Variants in IRGM observed in about 807,000 individuals in gnomAD.
IRGM encodes the protein immunity related GTPase M.
For synonymous variants in IRGM, 98 were observed against 80.6 expected, an observed-to-expected ratio of 1.22 and a Z score of -1.16; for missense variants, 288 against 219.9, an observed-to-expected ratio of 1.31 and a Z score of -1.96.
chr5:150,893,037 G>C (rs1480608551), intron 3 of IRGM, among the ~76,000 whole-genome samples: 1 of 151,928 alleles, frequency 6.6e-6, no homozygotes, highest in Non-Finnish European at 1.5e-5. Flanking sequence ...TGTTGCTTAG[G>C]TATTTTCAGG....
intron 3 of IRGM, among the ~76,000 whole-genome samples, chr5:150,893,080 T>C (rs1482603513): frequency 2.0e-5 from 3 of 152,152 alleles, no homozygotes; most frequent in Non-Finnish European, 4.4e-5. Context: ...CTTACTGCTA[T>C]ACATTGTCCT....
intron 3 of IRGM, chr5:150,898,008 C>T: frequency 6.4e-7 from 1 of 1,574,542 alleles, no homozygotes; most frequent in Non-Finnish European, 8.6e-7. Context: ...AGGATAGAAA[C>T]ATAAACCTCA....
chr5:150,878,023 C>T (rs887494385), exon 2 of IRGM: 5 of 458,310 alleles, frequency 1.1e-5, no homozygotes, highest in Admixed American at 7.0e-5. Flanking sequence ...AGCCACGTAC[C>T]TCTTGCTTGC....
At chr5:150,898,510 C>T in intron 3 of IRGM, 3 of 1,613,064 alleles carry the variant, frequency 1.9e-6, no homozygotes, top group Non-Finnish European at 1.7e-6. Context: ...GCTGCCACTC[C>T]TCCTGGGTGA....
chr5:150,889,128 AT>A (rs34709451), intron 3 of IRGM, among the ~76,000 whole-genome samples: 32,372 of 151,420 alleles, frequency 0.21, 5,467 homozygotes, highest in African/African-American at 0.45. Flanking sequence ...AGTTGTTAGT[AT>A]TTTTTTTCAA....
At chr5:150,861,892 GATT>G (rs1356817497) in intron 1 of IRGM, among the ~76,000 whole-genome samples, 1 of 152,158 alleles carries the variant, frequency 6.6e-6, no homozygotes, top group African/African-American at 2.4e-5. Context: ...CTCAAATATG[GATT>G]ATTAACTATT....
chr5:150,873,654 G>T (rs1274303631), intron 1 of IRGM, among the ~76,000 whole-genome samples: 1 of 152,106 alleles, frequency 6.6e-6, no homozygotes, highest in African/African-American at 2.4e-5. Flanking sequence ...TGGGTCCAGT[G>T]GGTCCCTGGA....
At chr5:150,875,014 G>C (rs917751615) in intron 1 of IRGM, among the ~76,000 whole-genome samples, 2 of 152,192 alleles carry the variant, frequency 1.3e-5, no homozygotes, top group African/African-American at 2.4e-5. Context: ...TCATCAAATG[G>C]AAGTGGTGTA....
At chr5:150,858,781 C>G (rs1298882110) in intron 1 of IRGM, among the ~76,000 whole-genome samples, 12 of 152,076 alleles carry the variant, frequency 7.9e-5, no homozygotes, top group Admixed American at 1.3e-4. Context: ...GATTTTGTAT[C>G]CTGAGACTTT....
At chr5:150,869,785 C>T (rs1001714123) in intron 1 of IRGM, among the ~76,000 whole-genome samples, 3 of 152,078 alleles carry the variant, frequency 2.0e-5, no homozygotes, top group Admixed American at 6.6e-5. Context: ...TTTCACCTTT[C>T]CAATTTGCTT....
chr5:150,896,386 T>G lies in IRGM; in HGVS notation c.*141-4203T>G, dbSNP rs1754782029. The G allele has an allele frequency of 6.2e-6, 10 of 1,613,688 alleles. No homozygotes were observed. In the East Asian group the frequency reaches 2.2e-4, roughly 36 times the overall value. ...CCAGTATGAATTCTTTGATGTACAA[T>G]GAGTTGTGACTTCTTAGCAAAGGCT... On this transcript the variant is annotated intron_variant and NMD_transcript_variant, in intron 3 of 3. Coordinates refer to the IRGM transcript ENST00000520549.
intron 3 of IRGM, chr5:150,896,183 G>A (rs369365423): frequency 2.5e-6 from 4 of 1,613,300 alleles, no homozygotes; most frequent in Admixed American, 3.3e-5. Context: ...TACATTCATA[G>A]GGTTTTTCCC....
intron 3 of IRGM, among the ~76,000 whole-genome samples, chr5:150,885,300 C>A (rs752212074): frequency 1.4e-4 from 22 of 151,890 alleles, no homozygotes; most frequent in Non-Finnish European, 2.5e-4. Context: ...TAGTACCAAG[C>A]CATTTTGGTT....
chr5:150,855,582 C>G (rs546639970), intron 1 of IRGM, among the ~76,000 whole-genome samples: 3 of 152,160 alleles, frequency 2.0e-5, no homozygotes, highest in Non-Finnish European at 4.4e-5. Context: ...GGTAAGGTAG[C>G]CTTGAGGTCA....
At chr5:150,887,658 GAAA>G (rs75460329) in intron 3 of IRGM, among the ~76,000 whole-genome samples, 23 of 88,568 alleles carry the variant, frequency 2.6e-4, no homozygotes, top group African/African-American at 7.9e-4. Flanking sequence ...AGGTCAAAAT[GAAA>G]AAAAAAAAAA....
intron 1 of IRGM, among the ~76,000 whole-genome samples, chr5:150,865,562 A>G (rs887603775): frequency 1.3e-5 from 2 of 152,216 alleles, no homozygotes; most frequent in African/African-American, 4.8e-5. Flanking sequence ...GAAAGATGTT[A>G]TTGCCCTACT....
intron 1 of IRGM, among the ~76,000 whole-genome samples, chr5:150,858,911 C>A (rs1184190097): frequency 6.6e-6 from 1 of 152,096 alleles, no homozygotes; most frequent in East Asian, 1.9e-4. Flanking sequence ...AATTGGATAC[C>A]CTTTATTTCC....
chr5:150,873,190 C>A (rs1447707332), intron 1 of IRGM, among the ~76,000 whole-genome samples: 1 of 152,112 alleles, frequency 6.6e-6, no homozygotes, highest in Non-Finnish European at 1.5e-5. Context: ...TCACAGTGTT[C>A]CTAAAAGTGA....
chr5:150,866,547 T>A (rs1333310744), intron 1 of IRGM, among the ~76,000 whole-genome samples: 1 of 152,178 alleles, frequency 6.6e-6, no homozygotes, highest in African/African-American at 2.4e-5. Context: ...TTTTTGGTAA[T>A]GTTACATAAA....
Sources: gnomAD v4.1 joint callset for allele counts (sites outside exome capture counted in the v4.1 genomes callset) on GRCh38, gnomAD v4.1.1 for gene constraint, MANE v1.5 for transcripts, NCBI Gene and HGNC (gene_info 2026-07-23, HGNC 2026-07-21) for gene names.